DLG5: variants seen among roughly 807,000 people sequenced by gnomAD.
DLG5 encodes the protein disks large homolog 5.
In DLG5, 48 loss-of-function variants were observed where a neutral mutation model predicts 189.8. That is an observed-to-expected ratio of 0.25 (90% CI 0.20 to 0.32). The LOEUF (loss-of-function observed/expected upper bound fraction) is 0.32, where lower values mean the gene tolerates loss of function less well. Ranked by LOEUF, DLG5 falls within the 10% of genes least tolerant of loss-of-function variation. The pLI, the probability that DLG5 is intolerant of heterozygous loss-of-function variation, is 1.00. For missense variants in DLG5, 2,160 were observed against 2,544.7 expected (o/e 0.85, Z 3.25); for synonymous variants, 1,016 against 1,054.1 (o/e 0.96, Z 0.70).
chr10:77,926,928 G>GC, upstream of DLG5: 1 of 355,022 alleles, frequency 2.8e-6, no homozygotes, highest in Non-Finnish European at 5.8e-6. This position sits in a 1 kb window ranked among gnomAD's most constrained non-coding sequence, Gnocchi z 5.2. Flanking sequence ...GCCGCGCGCC[G>GC]CCCCCAGAGC....
In DLG5 at chr10:77,853,353, C is replaced by CCTG; in HGVS notation, c.862_864dup (p.Gln288dup). On this transcript the variant is annotated inframe_insertion and splice_region_variant. Transcript: ENST00000372391. ...GGCCAGTCTCCAGGGGCTGGGCCTA[C>CCTG]CTGCTGCTGCTGGGCACGGAGGTCA... 1 of 1,532,152 alleles carries CCTG rather than the reference C, an allele frequency of 6.5e-7. No homozygotes were observed. Among genetic ancestry groups the CCTG allele is most frequent in the Non-Finnish European group, 8.8e-7 (1 of 1,130,074 alleles). The allele number at this position is 1,532,152 out of a possible 1,614,324, so 94.9% of individuals were successfully genotyped here.
At chr10:77,809,460 C>T (rs896986206) in intron 24 of DLG5, 87 bp downstream of exon 24, 17 of 1,426,250 alleles carry the variant, frequency 1.2e-5, no homozygotes, top group Non-Finnish European at 1.5e-5. Context: ...AGGCTGTACT[C>T]CTCCGTCTTT....
At chr10:77,845,916 A>G (rs1843664683) in intron 5 of DLG5, among the ~76,000 whole-genome samples, 1 of 146,390 alleles carries the variant, frequency 6.8e-6, no homozygotes, top group Non-Finnish European at 1.5e-5. Flanking sequence ...TGCCCACTCT[A>G]CATCTAAAAT....
At position 77,867,746 on chromosome 10, in the gene DLG5, G is replaced by A. The variant is rs191543961; in HGVS notation, c.373+1383C>T. On this transcript the variant is annotated intron_variant, in intron 2 of 31. Coordinates refer to ENST00000372391, the MANE Select transcript of DLG5 (RefSeq NM_004747.4). Reference sequence around the variant, plus strand: ...GAACCTTATTTGGAAAGGTCAAAGCGTTATCTTTCCGAGGCGCATTTGCAT... The same window carrying A: ...GAACCTTATTTGGAAAGGTCAAAGCATTATCTTTCCGAGGCGCATTTGCAT... 1.4e-3 allele frequency among the ~76,000 whole-genome samples: 217 copies of A among 152,320 alleles called. 1 individual carries two copies. The highest frequency in any genetic ancestry group is 4.8e-3 in the African/African-American group (199 of 41,574).
intron 1 of DLG5, among the ~76,000 whole-genome samples, chr10:77,882,759 C>CA (rs11402456): frequency 0.65 from 93,165 of 143,078 alleles, 30,225 homozygotes; most frequent in African/African-American, 0.72. Flanking sequence ...TAAAAAAATA[C>CA]AAAAAAAAAA....
At chr10:77,846,633 G>A (rs545897268) in intron 5 of DLG5, 8 of 451,016 alleles carry the variant, frequency 1.8e-5, no homozygotes, top group African/African-American at 1.6e-4. Flanking sequence ...GGAGGCGTAG[G>A]TTGCAGTGAG....
chr10:77,926,439 C>T lies in DLG5; in HGVS notation c.82G>A (p.Gly28Arg), dbSNP rs1263112285. 2 of 1,561,072 alleles carry T rather than the reference C, an allele frequency of 1.3e-6. No individual in the cohort carries two copies. Among genetic ancestry groups the T allele is most frequent in the African/African-American group, 1.4e-5 (1 of 72,674 alleles). ...QAMTEVEAVL[G>R]LLEAAGALSP... ...AGCGCTCCCGCGGCCTCGAGCAGCC[C>T]GAGCACGGCTTCCACCTCCGTCATG... Residue 28 changes from glycine (G) to arginine (R), a missense_variant, in exon 1 of 32, where the codon GGG becomes AGG. Gly to Arg is a moderately radical substitution (Grantham distance 125). Around this residue, in one of 5 missense-constraint regions of DLG5, gnomAD observed 664 missense variants for 838.5 expected, o/e 0.79. Transcript: ENST00000372391. This position sits in a 1 kb window ranked among gnomAD's most constrained non-coding sequence, Gnocchi z 5.2.
chr10:77,794,988 G>A (rs1568109187), intron 29 of DLG5, 30 bp from the exon 30 acceptor site: 1 of 1,596,376 alleles, frequency 6.3e-7, no homozygotes. Context: ...GTGAGCCCTG[G>A]CGGGCAGTGA....
intron 1 of DLG5, among the ~76,000 whole-genome samples, chr10:77,904,085 G>C (rs532146669): frequency 6.6e-6 from 1 of 152,246 alleles, no homozygotes; most frequent in African/African-American, 2.4e-5. Context: ...GGGAGGATCA[G>C]TGGGAGGATA....
intron 1 of DLG5, among the ~76,000 whole-genome samples, chr10:77,880,974 T>C (rs985402152): frequency 7.3e-6 from 1 of 137,382 alleles, no homozygotes; most frequent in Non-Finnish European, 1.6e-5. Flanking sequence ...TTTTTTTTTT[T>C]TTTTTTTTTT....
chr10:77,938,203 G>A, the DLG5 span, among the ~76,000 whole-genome samples: 2 of 152,002 alleles, frequency 1.3e-5, no homozygotes, highest in African/African-American at 4.8e-5. Context: ...CAACACTTTG[G>A]GGGGCCAAGG....
chr10:77,897,088 G>A (rs1313194962), intron 1 of DLG5, among the ~76,000 whole-genome samples: 3 of 152,144 alleles, frequency 2.0e-5, no homozygotes, highest in African/African-American at 7.2e-5. Flanking sequence ...AGGCATGGTG[G>A]CTCACACCTA....
intron 2 of DLG5, among the ~76,000 whole-genome samples, chr10:77,867,757 G>A (rs576088417): frequency 2.0e-5 from 3 of 152,234 alleles, no homozygotes; most frequent in Non-Finnish European, 2.9e-5. Context: ...TTATCTTTCC[G>A]AGGCGCATTT....
chr10:77,913,160 G>A (rs185028181), intron 1 of DLG5, among the ~76,000 whole-genome samples: 18 of 152,250 alleles, frequency 1.2e-4, no homozygotes, highest in Admixed American at 9.2e-4. Context: ...GTTTGCATCA[G>A]CCCTCTGAGG....
chr10:77,920,761 C>G (rs2131867553), intron 1 of DLG5, among the ~76,000 whole-genome samples: 1 of 152,280 alleles, frequency 6.6e-6, no homozygotes, highest in East Asian at 1.9e-4. Flanking sequence ...TGAACCTGAA[C>G]AGAGGGGCCT....
intron 1 of DLG5, among the ~76,000 whole-genome samples, chr10:77,881,356 G>C (rs1344058293): frequency 6.6e-6 from 1 of 152,072 alleles, no homozygotes; most frequent in Non-Finnish European, 1.5e-5. Flanking sequence ...CAGGTCAGGA[G>C]CTCTTCTCCA....
At chr10:77,933,414 C>T in the DLG5 span, among the ~76,000 whole-genome samples, 1 of 151,930 alleles carries the variant, frequency 6.6e-6, no homozygotes, top group South Asian at 2.1e-4. Flanking sequence ...CTGCCTCAGC[C>T]TTCCAAGTAC....
At chr10:77,886,547 G>A (rs933701931) in intron 1 of DLG5, among the ~76,000 whole-genome samples, 2 of 152,034 alleles carry the variant, frequency 1.3e-5, no homozygotes, top group African/African-American at 4.8e-5. Context: ...TAGAGATGGG[G>A]TGTCACTATG....
At chr10:77,810,386 GTGAGATGC>G (rs1306041677) in intron 23 of DLG5, among the ~76,000 whole-genome samples, 1 of 152,224 alleles carries the variant, frequency 6.6e-6, no homozygotes, top group Non-Finnish European at 1.5e-5. Flanking sequence ...GCCTCATTCT[GTGAGATGC>G]TGCCCAGGGC....
Sources: allele counts gnomAD v4.1 joint callset (sites outside exome capture counted in the v4.1 genomes callset), GRCh38; gene constraint gnomAD v4.1.1; regional missense constraint gnomAD v4.1.1; non-coding constraint Gnocchi (gnomAD v3.1); transcripts MANE v1.5; gene names NCBI Gene and HGNC (gene_info 2026-07-23, HGNC 2026-07-21).